ROPN1: variants seen among roughly 807,000 people sequenced by gnomAD.
ROPN1 encodes ropporin-1A.
A neutral mutation model predicts 20.5 loss-of-function variants in ROPN1; 14 were observed. That is an observed-to-expected ratio of 0.68 (90% CI 0.45 to 1.07). The LOEUF (loss-of-function observed/expected upper bound fraction) is 1.07. Ranked by LOEUF, ROPN1 falls within the 50% of genes least tolerant of loss-of-function variation. The probability of loss-of-function intolerance (pLI) is 0.00; values close to 1 mark genes in which losing one functional copy is unlikely to be tolerated. For missense variants in ROPN1, 169 were observed against 242.8 expected, an observed-to-expected ratio of 0.70 and a Z score of 2.02; for synonymous variants, 76 against 95.7, an observed-to-expected ratio of 0.79 and a Z score of 1.20.
At chr3:123,974,986 T>C (rs1281797593) in intron 4 of ROPN1, 2 of 289,420 alleles carry the variant, frequency 6.9e-6, no homozygotes, top group African/African-American at 2.2e-5. Flanking sequence ...TTCGATAAGA[T>C]TGTACCCCTT....
intron 1 of ROPN1, among the ~76,000 whole-genome samples, chr3:123,990,582 C>A (rs1319068986): frequency 6.6e-6 from 1 of 152,182 alleles, no homozygotes; most frequent in East Asian, 1.9e-4. Context: ...CAATAAGGGT[C>A]ATTTGTTCAC....
At position 123,992,093 on chromosome 3, in the gene ROPN1, C is replaced by T. The variant is rs2149008059; in HGVS notation, c.-184G>A. On this transcript the variant is annotated 5_prime_UTR_variant, in exon 1 of 6. In the 5' UTR this introduces an upstream ATG that the reference lacks. Transcript: ENST00000405845. The stretch of plus-strand genomic sequence containing the variant: ...CGGGGGTGACAGCAGCGGCGGGGCA[C>T]GACCGCCGTTAGCGTTAGACGTTAG... 8.6e-6 allele frequency: 1 copy of T among 116,936 alleles called. No individual in the cohort carries two copies. Among genetic ancestry groups the T allele is most frequent in the East Asian group, 2.7e-4 (1 of 3,766 alleles). The allele number at this position is 116,936 out of a possible 1,614,324, so 7.2% of individuals were successfully genotyped here. A position where few individuals can be genotyped will look rare whatever the true frequency, so the allele number is the denominator to read the frequency against.
In ROPN1 at chr3:123,976,926, G is replaced by A. The variant is rs766797307; in HGVS notation, c.172C>T (p.Arg58Ter). ...ETPPVRERSE[R>*]VALCNRAELT... ...TCTGCCCGGTTACACAAAGCGACTC[G>A]CTCAGACCGCTCTCTCACCGGAGGC... is the stretch of plus-strand genomic sequence containing the variant. Residue 58 changes from arginine to a stop codon, truncating the protein, a stop_gained, in exon 3 of 6, where the codon CGA (arginine) becomes TGA (stop). Transcript: ENST00000405845. LOFTEE classifies it high-confidence loss of function. 6.6e-5 allele frequency: 107 copies of A among 1,613,974 alleles called. No homozygotes were observed. Among genetic ancestry groups the A allele is most frequent in the Admixed American group, 3.5e-4 (21 of 59,986 alleles).
At chr3:123,978,123 C>T (rs534833946) in intron 2 of ROPN1, among the ~76,000 whole-genome samples, 22 of 152,214 alleles carry the variant, frequency 1.4e-4, no homozygotes, top group Non-Finnish European at 2.5e-4. Flanking sequence ...TAACCATTGC[C>T]TGTCTCTGAG....
chr3:123,976,166 A>G (rs1037843196), intron 3 of ROPN1, among the ~76,000 whole-genome samples: 2 of 152,332 alleles, frequency 1.3e-5, no homozygotes, highest in East Asian at 1.9e-4. Flanking sequence ...TTGGCCACCA[A>G]TGCAACAAGA....
At chr3:123,980,760 G>A (rs565811273) in intron 1 of ROPN1, 19 of 347,926 alleles carry the variant, frequency 5.5e-5, no homozygotes, top group African/African-American at 3.7e-4. Flanking sequence ...ATTCCCTAAT[G>A]ATATCGCCCC....
chr3:123,987,707 T>G (rs1018726560), intron 1 of ROPN1, among the ~76,000 whole-genome samples: 9 of 152,274 alleles, frequency 5.9e-5, no homozygotes, highest in African/African-American at 1.9e-4. Flanking sequence ...AGCATTTGGA[T>G]GCCAACAGCA....
At chr3:123,971,861 T>C (rs2037925688) in intron 4 of ROPN1, among the ~76,000 whole-genome samples, 1 of 152,170 alleles carries the variant, frequency 6.6e-6, no homozygotes, top group South Asian at 2.1e-4. Flanking sequence ...TGCCAAAGCC[T>C]TAACCCCAGA....
chr3:123,982,358 A>G (rs1436881281), intron 1 of ROPN1, among the ~76,000 whole-genome samples: 1 of 152,186 alleles, frequency 6.6e-6, no homozygotes, highest in South Asian at 2.1e-4. Flanking sequence ...GTTTCTGGTG[A>G]CATATATATG....
intron 4 of ROPN1, among the ~76,000 whole-genome samples, chr3:123,972,364 G>A (rs2332716): frequency 0.11 from 16,922 of 152,102 alleles, 1,198 homozygotes; most frequent in Middle Eastern, 0.22. Context: ...ATATTTTTTT[G>A]GGATCCGCTT....
intron 1 of ROPN1, chr3:123,981,478 G>A (rs2038145565): frequency 6.5e-6 from 1 of 153,746 alleles, no homozygotes; most frequent in South Asian, 2.1e-4. Context: ...CAAATGTCTG[G>A]ACTAAAGGAC....
chr3:123,970,267 T>A (rs2037890489), intron 4 of ROPN1, 50 bp from the exon 5 acceptor site: 2 of 1,536,860 alleles, frequency 1.3e-6, no homozygotes, highest in African/African-American at 2.7e-5. Flanking sequence ...CAGGCAATAT[T>A]CCTGAGATCG....
intron 1 of ROPN1, among the ~76,000 whole-genome samples, chr3:123,987,516 T>C (rs1258808884): frequency 6.6e-6 from 1 of 152,282 alleles, no homozygotes; most frequent in East Asian, 1.9e-4. Flanking sequence ...CTCATGTTTT[T>C]ACATAACTCT....
chr3:123,987,085 T>A (rs2038277892), intron 1 of ROPN1, among the ~76,000 whole-genome samples: 1 of 152,242 alleles, frequency 6.6e-6, no homozygotes, highest in African/African-American at 2.4e-5. Flanking sequence ...TCCCTGGCCA[T>A]GCTGTACTAC....
chr3:123,983,496 C>A (rs540008934), intron 1 of ROPN1, among the ~76,000 whole-genome samples: 1 of 152,156 alleles, frequency 6.6e-6, no homozygotes, highest in East Asian at 1.9e-4. Context: ...GCTTCCATGA[C>A]AACAGTAACA....
chr3:123,988,481 T>C (rs2038321151), intron 1 of ROPN1, among the ~76,000 whole-genome samples: 1 of 152,208 alleles, frequency 6.6e-6, no homozygotes, highest in Admixed American at 6.5e-5. Context: ...GAATGCACTA[T>C]AGTTTCCAAT....
At chr3:123,985,838 C>G (rs1321814277) in intron 1 of ROPN1, among the ~76,000 whole-genome samples, 1 of 151,148 alleles carries the variant, frequency 6.6e-6, no homozygotes, top group East Asian at 1.9e-4. Flanking sequence ...ATGGTGAAAC[C>G]CTGTCTGTAC....
At chr3:123,990,599 G>T (rs952954425) in intron 1 of ROPN1, among the ~76,000 whole-genome samples, 2 of 152,330 alleles carry the variant, frequency 1.3e-5, no homozygotes, top group East Asian at 1.9e-4. Context: ...TCACATCAAA[G>T]AAGTGGGAGA....
chr3:123,990,331 A>C (rs1380814760), intron 1 of ROPN1, among the ~76,000 whole-genome samples: 2 of 152,220 alleles, frequency 1.3e-5, no homozygotes. Flanking sequence ...AAGGTGGAGA[A>C]GGAGGAAGAG....
Sources: gnomAD v4.1 joint callset for allele counts (sites outside exome capture counted in the v4.1 genomes callset) on GRCh38, gnomAD v4.1.1 for gene constraint, MANE v1.5 for transcripts, NCBI Gene and HGNC (gene_info 2026-07-23, HGNC 2026-07-21) for gene names.